The following DTNB variants were observed in gnomAD, a reference collection of about 807,000 sequenced individuals.
The protein encoded by DTNB is DTN-B.
Under a neutral mutation model 90.7 loss-of-function variants are expected in DTNB, and 63 were observed. That is an observed-to-expected ratio of 0.69 (90% CI 0.57 to 0.86). The LOEUF is 0.86. DTNB is among the 40% of genes least tolerant of loss of function. The pLI, the probability that DTNB is intolerant of heterozygous loss-of-function variation, is 0.00. For missense variants in DTNB, 744 were observed against 807.1 expected, an observed-to-expected ratio of 0.92 and a Z score of 0.95; for synonymous variants, 277 against 286.7, an observed-to-expected ratio of 0.97 and a Z score of 0.34.
intron 9 of DTNB, among the ~76,000 whole-genome samples, chr2:25,512,518 G>T (rs1014929801): frequency 6.6e-6 from 1 of 152,206 alleles, no homozygotes; most frequent in Non-Finnish European, 1.5e-5. Context: ...CAATCTTCAA[G>T]AAGTCCTGGT....
At chr2:25,472,064 G>C (rs2062915232) in intron 10 of DTNB, among the ~76,000 whole-genome samples, 1 of 152,114 alleles carries the variant, frequency 6.6e-6, no homozygotes, top group Non-Finnish European at 1.5e-5. Context: ...CCTAGCAGAG[G>C]AAGTACTAAT....
intron 16 of DTNB, among the ~76,000 whole-genome samples, chr2:25,408,538 CAAAA>C (rs11395783): frequency 2.8e-4 from 9 of 32,724 alleles, no homozygotes; most frequent in African/African-American, 7.5e-4. Flanking sequence ...GACTCCATCT[CAAAA>C]AAAAAAAAAA....
chr2:25,405,673 A>G (rs140513926), intron 16 of DTNB, among the ~76,000 whole-genome samples: 38 of 152,176 alleles, frequency 2.5e-4, no homozygotes, highest in African/African-American at 9.2e-4. Context: ...TACATTTTAA[A>G]TGGTTATATA....
chr2:25,661,979 AC>A, intron 1 of DTNB, among the ~76,000 whole-genome samples: 1 of 151,766 alleles, frequency 6.6e-6, no homozygotes, highest in East Asian at 1.9e-4. Context: ...ACATGGTGAA[AC>A]CCCGTCTCTA....
chr2:25,602,500 C>G (rs1482108579), intron 5 of DTNB, among the ~76,000 whole-genome samples: 3 of 152,188 alleles, frequency 2.0e-5, no homozygotes, highest in Non-Finnish European at 2.9e-5. Flanking sequence ...TAAAAAACTA[C>G]AGCAGAGGAG....
At chr2:25,408,782 C>T (rs1456705160) in intron 16 of DTNB, among the ~76,000 whole-genome samples, 3 of 152,106 alleles carry the variant, frequency 2.0e-5, no homozygotes, top group Non-Finnish European at 2.9e-5. Context: ...CCATGAAGGA[C>T]GCTCCAAACC....
At position 25,427,699 on chromosome 2, in the gene DTNB, G is replaced by T. The variant is rs3731637; in HGVS notation, c.1458-68C>A. ...GATGGATCTAAGGCCAGGTGAAATG[G>T]ATTTCAGACCTGATCCTGCTACTTA... On this transcript the variant is annotated intron_variant, in intron 14 of 20. Coordinates refer to ENST00000406818, the MANE Select transcript of DTNB (RefSeq NM_021907.5). 594 of 1,482,320 alleles carry T rather than the reference G, an allele frequency of 4.0e-4. 6 individuals carry two copies. The East Asian group carries it at 0.011, about 27-fold the overall frequency. The allele number at this position is 1,482,320 out of a possible 1,614,324, so 91.8% of individuals were successfully genotyped here.
intron 1 of DTNB, among the ~76,000 whole-genome samples, chr2:25,661,815 G>T (rs1224587763): frequency 6.6e-6 from 1 of 151,960 alleles, no homozygotes; most frequent in Non-Finnish European, 1.5e-5. Context: ...ATATATTGCT[G>T]GTGAAAGCAT....
intron 5 of DTNB, among the ~76,000 whole-genome samples, chr2:25,600,044 G>A (rs985578501): frequency 6.6e-6 from 1 of 152,182 alleles, no homozygotes; most frequent in African/African-American, 2.4e-5. Context: ...GCTGCAGTGA[G>A]CTCTGATCAT....
At chr2:25,471,090 T>C (rs1440443232) in intron 10 of DTNB, among the ~76,000 whole-genome samples, 2 of 152,180 alleles carry the variant, frequency 1.3e-5, no homozygotes, top group Admixed American at 6.5e-5. Context: ...AAGAAAATAG[T>C]GTGTGCCTTC....
intron 15 of DTNB, among the ~76,000 whole-genome samples, chr2:25,425,245 A>C (rs2051149246): frequency 6.6e-6 from 1 of 152,204 alleles, no homozygotes; most frequent in South Asian, 2.1e-4. Context: ...TATCTATGCA[A>C]AACAACCCAA....
At chr2:25,467,136 C>T (rs555928317) in intron 10 of DTNB, among the ~76,000 whole-genome samples, 2 of 152,248 alleles carry the variant, frequency 1.3e-5, no homozygotes, top group Admixed American at 6.5e-5. Context: ...AATAATCAAG[C>T]CCTTGGGCAA....
chr2:25,580,003 GAC>G (rs2061322653), intron 7 of DTNB, among the ~76,000 whole-genome samples: 2 of 96,366 alleles, frequency 2.1e-5, no homozygotes, highest in Non-Finnish European at 3.8e-5. Flanking sequence ...TTTTTTTTGA[GAC>G]AGAGTCTCAC....
chr2:25,404,069 G>A (rs1182094447), intron 16 of DTNB, among the ~76,000 whole-genome samples: 1 of 152,216 alleles, frequency 6.6e-6, no homozygotes, highest in South Asian at 2.1e-4. Context: ...TGGTGAGGAT[G>A]ATCATGAAAC....
chr2:25,559,655 T>C (rs1413638018), intron 8 of DTNB, among the ~76,000 whole-genome samples: 1 of 152,224 alleles, frequency 6.6e-6, no homozygotes, highest in African/African-American at 2.4e-5. Flanking sequence ...GTCCACATCC[T>C]AATCTCTGGA....
chr2:25,519,529 C>G (rs558407175), intron 9 of DTNB, among the ~76,000 whole-genome samples: 1 of 152,168 alleles, frequency 6.6e-6, no homozygotes, highest in South Asian at 2.1e-4. Context: ...TTGAGAATCC[C>G]TTATCCAAAA....
chr2:25,454,949 AGG>A, intron 11 of DTNB, among the ~76,000 whole-genome samples: 1 of 152,312 alleles, frequency 6.6e-6, no homozygotes, highest in Middle Eastern at 3.4e-3. Context: ...TAACAGATAA[AGG>A]GTGGTAAAGA....
intron 9 of DTNB, among the ~76,000 whole-genome samples, chr2:25,486,567 A>C (rs2066204675): frequency 6.6e-6 from 1 of 151,544 alleles, no homozygotes; most frequent in Non-Finnish European, 1.5e-5. Context: ...TAGGAGGTTA[A>C]GGCTGCAGTG....
chr2:25,396,303 G>A (rs2042337091), intron 16 of DTNB, among the ~76,000 whole-genome samples: 2 of 152,142 alleles, frequency 1.3e-5, no homozygotes, highest in African/African-American at 4.8e-5. Context: ...TTGAGGACAG[G>A]AGTTCGAGAC....
Sources: allele counts gnomAD v4.1 joint callset (sites outside exome capture counted in the v4.1 genomes callset), GRCh38; gene constraint gnomAD v4.1.1; transcripts MANE v1.5; gene names NCBI Gene and HGNC (gene_info 2026-07-23, HGNC 2026-07-21).